The following SFMBT1 variants were observed in gnomAD, a reference collection of about 807,000 sequenced individuals.
SFMBT1 encodes scm-like with four MBT domains protein 1.
A neutral mutation model predicts 108.7 loss-of-function variants in SFMBT1; 32 were observed. The ratio of observed to expected loss-of-function variants is 0.29; its 90% confidence interval spans 0.22 to 0.40. The LOEUF is 0.40. Among genes scored for constraint, SFMBT1 ranks in the 10% least tolerant of loss-of-function variants. SFMBT1 has a pLI of 1.00. For synonymous variants in SFMBT1, 348 were observed against 369.5 expected (o/e 0.94, Z 0.67); for missense variants, 816 against 1,059.6 (o/e 0.77, Z 3.19).
chr3:52,948,996 A>G (rs956777450), intron 3 of SFMBT1, among the ~76,000 whole-genome samples: 7 of 151,470 alleles, frequency 4.6e-5, no homozygotes, highest in African/African-American at 1.7e-4. Context: ...AATCCTAGAC[A>G]TTTTATGTTT....
At chr3:53,001,925 T>TCTCTCTCACACACA (rs1448849638) in intron 1 of SFMBT1, among the ~76,000 whole-genome samples, 5 of 129,132 alleles carry the variant, frequency 3.9e-5, no homozygotes, top group Admixed American at 3.3e-4. Flanking sequence ...ACCCAGTCTC[T>TCTCTCTCACACACA]CACACACACA....
chr3:53,036,992 C>A (rs1358996203), intron 1 of SFMBT1, among the ~76,000 whole-genome samples: 1 of 152,160 alleles, frequency 6.6e-6, no homozygotes, highest in African/African-American at 2.4e-5. Flanking sequence ...AGATAAAAGA[C>A]GAGGCATAGG....
chr3:52,978,597 G>A (rs1458125506), intron 1 of SFMBT1, among the ~76,000 whole-genome samples: 4 of 152,174 alleles, frequency 2.6e-5, no homozygotes. Context: ...ATATGGGCCA[G>A]TATTTCACTC....
At chr3:52,964,990 A>T (rs1055974845) in intron 2 of SFMBT1, among the ~76,000 whole-genome samples, 2 of 152,168 alleles carry the variant, frequency 1.3e-5, no homozygotes, top group Admixed American at 1.3e-4. Flanking sequence ...CTCTCCCATA[A>T]AAGAACCAAA....
chr3:52,929,221 A>T (rs1013080492), intron 8 of SFMBT1, among the ~76,000 whole-genome samples: 2 of 152,092 alleles, frequency 1.3e-5, no homozygotes, highest in African/African-American at 2.4e-5. Context: ...CCAGTTTCAA[A>T]TGCCAAAGAA....
intron 1 of SFMBT1, among the ~76,000 whole-genome samples, chr3:53,037,109 A>T (rs1441776289): frequency 6.6e-6 from 1 of 152,228 alleles, no homozygotes; most frequent in Non-Finnish European, 1.5e-5. Context: ...AGCCAAAAAC[A>T]GGAGTAAAAG....
At chr3:52,974,549 A>G (rs961241455) in intron 1 of SFMBT1, among the ~76,000 whole-genome samples, 2 of 152,144 alleles carry the variant, frequency 1.3e-5, no homozygotes, top group African/African-American at 2.4e-5. Flanking sequence ...GAAATCTTCT[A>G]TTGTTTCATT....
At chr3:52,958,957 C>A (rs145122130) in intron 2 of SFMBT1, among the ~76,000 whole-genome samples, 1 of 152,114 alleles carries the variant, frequency 6.6e-6, no homozygotes, top group African/African-American at 2.4e-5. Context: ...TAAAAAGGAA[C>A]GAGATAATGT....
intron 4 of SFMBT1, among the ~76,000 whole-genome samples, chr3:52,940,501 G>A (rs1013934634): frequency 5.9e-5 from 9 of 152,042 alleles, no homozygotes; most frequent in African/African-American, 2.2e-4. Flanking sequence ...CATTAAATAA[G>A]ATCAGAATCA....
chr3:52,922,953 A>G (rs1702561050), intron 10 of SFMBT1, among the ~76,000 whole-genome samples: 1 of 152,212 alleles, frequency 6.6e-6, no homozygotes, highest in African/African-American at 2.4e-5. Context: ...CCAGGAAGAA[A>G]CACATAATGA....
chr3:52,956,524 G>T (rs1703790777), intron 2 of SFMBT1, among the ~76,000 whole-genome samples: 1 of 152,122 alleles, frequency 6.6e-6, no homozygotes, highest in South Asian at 2.1e-4. Flanking sequence ...ACTTTGGAAG[G>T]CCGAGGCTGG....
At chr3:52,958,328 T>TGGGAG in intron 2 of SFMBT1, among the ~76,000 whole-genome samples, 1 of 152,206 alleles carries the variant, frequency 6.6e-6, no homozygotes, top group African/African-American at 2.4e-5. Flanking sequence ...GGGTGGCTCA[T>TGGGAG]GCCTGTAATC....
intron 1 of SFMBT1, among the ~76,000 whole-genome samples, chr3:53,016,462 A>C (rs1330288668): frequency 6.6e-6 from 1 of 152,244 alleles, no homozygotes; most frequent in South Asian, 2.1e-4. Context: ...TAACAGCTCC[A>C]GTGGCTCTAC....
chr3:52,969,979 T>C (rs1704281677), intron 1 of SFMBT1, among the ~76,000 whole-genome samples: 1 of 152,062 alleles, frequency 6.6e-6, no homozygotes, highest in Non-Finnish European at 1.5e-5. Flanking sequence ...GGCGCACGCC[T>C]GTAGTTTCAG....
intron 1 of SFMBT1, among the ~76,000 whole-genome samples, chr3:53,033,939 G>A (rs946997798): frequency 3.3e-5 from 5 of 151,556 alleles, no homozygotes; most frequent in East Asian, 1.9e-4. Flanking sequence ...GTGTGGTGGC[G>A]CATGCCTGTA....
chr3:53,018,749 CTCTTA>C, intron 1 of SFMBT1, among the ~76,000 whole-genome samples: 1 of 152,052 alleles, frequency 6.6e-6, no homozygotes, highest in East Asian at 1.9e-4. Context: ...ATGGTTTGCT[CTCTTA>C]TCTTACCAGA....
chr3:53,043,066 T>C (rs1202800126), intron 1 of SFMBT1: 4 of 152,252 alleles, frequency 2.6e-5, no homozygotes, highest in African/African-American at 4.8e-5. Flanking sequence ...CCAACTTTTA[T>C]CACACAGATA....
intron 4 of SFMBT1, among the ~76,000 whole-genome samples, chr3:52,937,641 G>A (rs912288162): frequency 5.9e-5 from 9 of 151,378 alleles, no homozygotes; most frequent in Admixed American, 2.6e-4. Context: ...GGAGTGCAGT[G>A]GCACGATCTC....
At chr3:52,916,409 C>G (rs557671407) in intron 13 of SFMBT1, among the ~76,000 whole-genome samples, 195 bp from the exon 14 acceptor site, 2 of 146,606 alleles carry the variant, frequency 1.4e-5, no homozygotes, top group Non-Finnish European at 3.0e-5. Flanking sequence ...CGGTGGCTCA[C>G]GCGTAATCCC....
Sources: allele counts gnomAD v4.1 joint callset (sites outside exome capture counted in the v4.1 genomes callset), GRCh38; gene constraint gnomAD v4.1.1; transcripts MANE v1.5; gene names NCBI Gene and HGNC (gene_info 2026-07-23, HGNC 2026-07-21).